The following LRGUK variants were observed in gnomAD, a reference collection of about 807,000 sequenced individuals.
LRGUK encodes the protein leucine rich repeats and guanylate kinase domain containing.
A neutral mutation model predicts 76.0 loss-of-function variants in LRGUK; 65 were observed. The observed-to-expected ratio is 0.85, with a 90% CI of 0.70 to 1.05. LRGUK has a LOEUF of 1.05. Ranked by LOEUF, LRGUK falls within the 50% of genes least tolerant of loss-of-function variation. LRGUK has a pLI of 0.00. For synonymous variants in LRGUK, 268 were observed against 265.6 expected (o/e 1.01, Z -0.09); for missense variants, 758 against 732.8 (o/e 1.03, Z -0.40).
At chr7:134,145,317 G>A (rs544929161) in intron 4 of LRGUK, among the ~76,000 whole-genome samples, 10 of 151,804 alleles carry the variant, frequency 6.6e-5, no homozygotes, top group African/African-American at 1.2e-4. Flanking sequence ...GCAAGATCTC[G>A]GCTCACCGCA....
chr7:134,228,538 G>A (rs1341587248), intron 16 of LRGUK, among the ~76,000 whole-genome samples: 1 of 151,722 alleles, frequency 6.6e-6, no homozygotes, highest in African/African-American at 2.4e-5. Flanking sequence ...TAAAATATGG[G>A]GAATGAAGGG....
chr7:134,149,805 A>G (rs1045783707), intron 5 of LRGUK, among the ~76,000 whole-genome samples: 7 of 152,190 alleles, frequency 4.6e-5, no homozygotes, highest in African/African-American at 1.7e-4. Context: ...TGGCTCAGAC[A>G]TCCATTTATC....
chr7:134,249,116 C>T (rs369754552), intron 18 of LRGUK, 40 bp downstream of exon 18: 1 of 1,516,986 alleles, frequency 6.6e-7, no homozygotes, highest in Non-Finnish European at 8.9e-7. Flanking sequence ...TGGCTATTTT[C>T]TGCTGGTTAG....
chr7:134,171,039 A>C (rs1323600358), intron 7 of LRGUK, among the ~76,000 whole-genome samples: 1 of 152,198 alleles, frequency 6.6e-6, no homozygotes, highest in Non-Finnish European at 1.5e-5. Context: ...AGATACAGAA[A>C]ACGTAAATAA....
At chr7:134,146,238 A>G (rs776019837) in intron 4 of LRGUK, among the ~76,000 whole-genome samples, 4 of 151,868 alleles carry the variant, frequency 2.6e-5, no homozygotes, top group African/African-American at 7.3e-5. Context: ...GAGCCACTGC[A>G]CTCCAGCCTG....
intron 5 of LRGUK, 57 bp downstream of exon 5, chr7:134,148,376 T>A: frequency 2.0e-6 from 2 of 1,007,572 alleles, no homozygotes; most frequent in Non-Finnish European, 3.0e-6. Context: ...AATTAAAGAC[T>A]ACATATTCAA....
At chr7:134,213,771 T>C (rs1801358010), downstream of LRGUK, among the ~76,000 whole-genome samples, 1 of 152,048 alleles carries the variant, frequency 6.6e-6, no homozygotes, top group Admixed American at 6.6e-5. Flanking sequence ...TGGAAAAGAG[T>C]ATCAACAGGA....
At chr7:134,201,089 T>C (rs1392277128) in intron 14 of LRGUK, among the ~76,000 whole-genome samples, 4 of 152,196 alleles carry the variant, frequency 2.6e-5, no homozygotes, top group African/African-American at 9.6e-5. Context: ...CCTTGTGATC[T>C]GAGTCTCTGA....
At chr7:134,200,113 C>T (rs1800705703) in intron 14 of LRGUK, among the ~76,000 whole-genome samples, 1 of 148,256 alleles carries the variant, frequency 6.7e-6, no homozygotes, top group African/African-American at 2.5e-5. Context: ...TCACTACAAC[C>T]TCTTCCTCCG....
chr7:134,212,652 G>GTTTATTTTTACTAAAAGTGTA (rs1438937303), downstream of LRGUK, among the ~76,000 whole-genome samples: 1 of 152,072 alleles, frequency 6.6e-6, no homozygotes, highest in Non-Finnish European at 1.5e-5. Context: ...TATATCATTT[G>GTTTATTTTTACTAAAAGTGTA]TTTATTTTTA....
At chr7:134,216,079 G>T (rs1293446981) in intron 15 of LRGUK, among the ~76,000 whole-genome samples, 1 of 152,132 alleles carries the variant, frequency 6.6e-6, no homozygotes, top group Non-Finnish European at 1.5e-5. Context: ...CCTTGGGCAA[G>T]TTACAGAGTT....
intron 11 of LRGUK, among the ~76,000 whole-genome samples, chr7:134,190,478 G>A (rs1432488200): frequency 2.0e-5 from 3 of 152,196 alleles, no homozygotes; most frequent in African/African-American, 7.2e-5. Context: ...AAAGTACAGG[G>A]ATTGCAGGAA....
intron 11 of LRGUK, among the ~76,000 whole-genome samples, chr7:134,190,462 C>T (rs1285176892): frequency 6.6e-6 from 1 of 152,258 alleles, no homozygotes; most frequent in African/African-American, 2.4e-5. Context: ...CCTGCCTTGG[C>T]CTCCCAAAGT....
chr7:134,233,358 C>G (rs985789013), intron 16 of LRGUK, among the ~76,000 whole-genome samples: 1 of 152,194 alleles, frequency 6.6e-6, no homozygotes, highest in South Asian at 2.1e-4. Context: ...CCTCCAACAC[C>G]TTTACCCCTG....
At chr7:134,258,771 A>G (rs867798441) in intron 19 of LRGUK, among the ~76,000 whole-genome samples, 4 of 152,142 alleles carry the variant, frequency 2.6e-5, no homozygotes, top group Middle Eastern at 3.4e-3. Context: ...TTGTTTATAT[A>G]TGTTTCCTAC....
At chr7:134,256,858 G>A (rs1476347126) in intron 18 of LRGUK, among the ~76,000 whole-genome samples, 1 of 152,110 alleles carries the variant, frequency 6.6e-6, no homozygotes, top group Non-Finnish European at 1.5e-5. Flanking sequence ...TCTGTAAGCC[G>A]AACAGGGCAG....
chr7:134,241,912 T>C (rs984123141), intron 16 of LRGUK, among the ~76,000 whole-genome samples: 21 of 152,124 alleles, frequency 1.4e-4, no homozygotes, highest in Admixed American at 1.3e-3. Flanking sequence ...CACTCAAAAC[T>C]GCTCAACTAC....
exon 12 of LRGUK, chr7:134,191,739 A>G (rs750394183): frequency 1.2e-6 from 2 of 1,607,424 alleles, no homozygotes; most frequent in Admixed American, 1.7e-5. Flanking sequence ...TTTTTGATGA[A>G]ATGGTGAACA....
chr7:134,240,776 G>A (rs566411003), intron 16 of LRGUK, among the ~76,000 whole-genome samples: 64 of 152,224 alleles, frequency 4.2e-4, no homozygotes, highest in Non-Finnish European at 6.9e-4. Context: ...TTGAAATGAC[G>A]GAAAAAATGG....
Sources: gnomAD v4.1 joint callset for allele counts (sites outside exome capture counted in the v4.1 genomes callset) on GRCh38, gnomAD v4.1.1 for gene constraint, MANE v1.5 for transcripts, NCBI Gene and HGNC (gene_info 2026-07-23, HGNC 2026-07-21) for gene names.